The following CFAP47 variants were observed in gnomAD, a reference collection of about 807,000 sequenced individuals.
The protein encoded by CFAP47 is cilia- and flagella-associated protein 47.
CFAP47 carries 29 observed loss-of-function variants against 148.1 expected under a neutral mutation model. The ratio of observed to expected loss-of-function variants is 0.20; its 90% CI spans 0.15 to 0.27. The LOEUF is 0.27. CFAP47 is among the 10% of genes least tolerant of loss of function. The pLI is 1.00. For synonymous variants in CFAP47, 664 were observed against 577.3 expected (o/e 1.15, Z -2.15); for missense variants, 1,872 against 1,697.5 (o/e 1.10, Z -1.81).
intron 50 of CFAP47, among the ~76,000 whole-genome samples, chrX:36,281,358 T>G (rs1368241946): frequency 3.6e-5 from 4 of 112,410 alleles, no homozygotes; most frequent in Non-Finnish European, 7.5e-5. Context: ...TGTGTCTGTG[T>G]GTATTGAGAG....
At chrX:36,120,161 C>A (rs974792562) in intron 33 of CFAP47, among the ~76,000 whole-genome samples, 5 of 106,407 alleles carry the variant, frequency 4.7e-5, no homozygotes, top group Non-Finnish European at 7.7e-5. Flanking sequence ...GCCACCACAC[C>A]CAGGTAATTT....
intron 2 of CFAP47, among the ~76,000 whole-genome samples, chrX:35,937,589 C>T (rs1027855292): frequency 2.5e-4 from 28 of 110,346 alleles, no homozygotes; most frequent in African/African-American, 7.6e-4. Flanking sequence ...TTTTCTGGAC[C>T]AGAAGTTTGT....
intron 45 of CFAP47, among the ~76,000 whole-genome samples, chrX:36,213,871 G>T (rs112809074): frequency 0.02 from 2,228 of 111,812 alleles, 21 homozygotes; most frequent in Non-Finnish European, 0.032. Context: ...TGGGAGATGC[G>T]AATTCAGGGC....
At chrX:36,364,938 A>ATATG (rs1941861223) in intron 61 of CFAP47, among the ~76,000 whole-genome samples, 1 of 92,248 alleles carries the variant, frequency 1.1e-5, no homozygotes, top group Non-Finnish European at 2.1e-5. Flanking sequence ...ATATATATAT[A>ATATG]TATATACACA....
chrX:36,361,881 A>G (rs782129962), intron 61 of CFAP47, among the ~76,000 whole-genome samples: 6 of 112,425 alleles, frequency 5.3e-5, no homozygotes, highest in Non-Finnish European at 1.1e-4. Flanking sequence ...TGCCTAAGCT[A>G]TATTTTACAT....
At chrX:36,304,589 T>C (rs1456761817) in intron 54 of CFAP47, among the ~76,000 whole-genome samples, 2 of 111,070 alleles carry the variant, frequency 1.8e-5, no homozygotes, top group Non-Finnish European at 3.8e-5. Flanking sequence ...GTTTCCAGTA[T>C]TATGATTATT....
intron 3 of CFAP47, among the ~76,000 whole-genome samples, chrX:35,944,847 G>A (rs7061740): frequency 0.17 from 19,295 of 111,351 alleles, 1,303 homozygotes; most frequent in East Asian, 0.24. Context: ...CTGTAGCTGT[G>A]GGTACCCTTA....
chrX:36,239,282 G>A (rs782695375), intron 48 of CFAP47, among the ~76,000 whole-genome samples: 1 of 112,227 alleles, frequency 8.9e-6, no homozygotes, highest in South Asian at 3.6e-4. Flanking sequence ...TGTCAAAATC[G>A]AATTTTTCAG....
chrX:36,031,169 T>C, intron 22 of CFAP47, 84 bp from the exon 23 acceptor site: 1 of 272,741 alleles, frequency 3.7e-6, no homozygotes, highest in East Asian at 5.2e-5. Flanking sequence ...TTTCTTATTG[T>C]TTAGTGTTTT....
At chrX:36,210,483 AT>A (rs1441009867) in intron 45 of CFAP47, among the ~76,000 whole-genome samples, 4 of 112,025 alleles carry the variant, frequency 3.6e-5, no homozygotes, top group African/African-American at 9.7e-5. Context: ...CCATGTGCTT[AT>A]TTGCCATTTG....
chrX:36,339,037 T>A (rs1483139841), intron 57 of CFAP47, among the ~76,000 whole-genome samples: 1 of 112,457 alleles, frequency 8.9e-6, no homozygotes, highest in Non-Finnish European at 1.9e-5. Flanking sequence ...GAGATGTGTT[T>A]TCTTTAATAT....
intron 35 of CFAP47, among the ~76,000 whole-genome samples, chrX:36,141,242 C>T (rs1031537021): frequency 1.8e-5 from 2 of 110,230 alleles, no homozygotes; most frequent in Non-Finnish European, 3.8e-5. Flanking sequence ...GTCCAGAAGC[C>T]TCAGAATCAG....
At chrX:36,102,151 T>C (rs1372681241) in intron 32 of CFAP47, among the ~76,000 whole-genome samples, 1 of 111,870 alleles carries the variant, frequency 8.9e-6, no homozygotes, top group Non-Finnish European at 1.9e-5. Flanking sequence ...TGAAAGATAA[T>C]TCGAAACAAT....
intron 2 of CFAP47, among the ~76,000 whole-genome samples, chrX:35,937,554 A>G (rs1370359017): frequency 9.0e-6 from 1 of 110,631 alleles, no homozygotes; most frequent in Non-Finnish European, 1.9e-5. Flanking sequence ...TAGAAGGAAC[A>G]GGAAAAAATA....
intron 22 of CFAP47, among the ~76,000 whole-genome samples, chrX:36,023,676 C>T (rs1937185269): frequency 8.9e-6 from 1 of 112,216 alleles, no homozygotes; most frequent in African/African-American, 3.2e-5. Context: ...CCACAAGATG[C>T]AGTTCTCCCC....
Position 36,041,182 on chromosome X carries a change from A to G in CFAP47, c.4007+2003A>G, listed in dbSNP as rs1216158668. On this transcript the variant is annotated intron_variant, in intron 25 of 63. Transcript: ENST00000378653. ...AAAAATATATACAAAACAGAAACTC[A>G]GTGGAACCAAGTTTCTTCTTTGAAA... is the stretch of plus-strand genomic sequence containing the variant. 4.5e-5 allele frequency among the ~76,000 whole-genome samples: 5 copies of G among 111,318 alleles called. No individual in the cohort carries two copies. In the East Asian group the frequency reaches 8.4e-4, roughly 19 times the overall value.
chrX:35,948,239 T>C, intron 3 of CFAP47, 75 bp from the exon 4 acceptor site: 2 of 944,533 alleles, frequency 2.1e-6, no homozygotes, highest in Non-Finnish European at 1.5e-6. Context: ...GTAAAGTATG[T>C]TGGTCCCCTA....
At position 36,058,556 on chromosome X, in the gene CFAP47, A is replaced by G. The variant is rs759933791; in HGVS notation, c.4218-7087A>G. On this transcript the variant is annotated intron_variant, in intron 26 of 63. Transcript: ENST00000378653. ...CCTCTCATTTGAAAGGAACAATACA[A>G]CACAATATGTGAACTTTATTTTTAT... Among the ~76,000 whole-genome samples the G allele has an allele frequency of 2.9e-4, 32 of 111,896 alleles. No individual in the cohort carries two copies. In the South Asian group the frequency reaches 0.011, roughly 39 times the overall value.
At chrX:36,103,051 C>A (rs1461142408) in intron 32 of CFAP47, among the ~76,000 whole-genome samples, 1 of 111,193 alleles carries the variant, frequency 9.0e-6, no homozygotes, top group Non-Finnish European at 1.9e-5. Flanking sequence ...ATTTGAAACA[C>A]TGTATGGCAT....
Sources: allele counts gnomAD v4.1 joint callset (sites outside exome capture counted in the v4.1 genomes callset), GRCh38; gene constraint gnomAD v4.1.1; transcripts MANE v1.5; gene names NCBI Gene and HGNC (gene_info 2026-07-23, HGNC 2026-07-21).